The following TP53BP1 variants were observed in gnomAD, a reference collection of about 807,000 sequenced individuals.
TP53BP1 encodes the protein tumor protein p53 binding protein 1, also known as TP53-binding protein 1.
Under a neutral mutation model 200.8 loss-of-function variants are expected in TP53BP1, and 61 were observed. The observed-to-expected ratio is 0.30, with a 90% CI of 0.25 to 0.38. TP53BP1 has a LOEUF of 0.38. Among genes scored for constraint, TP53BP1 ranks in the 10% least tolerant of loss-of-function variants. The pLI, the probability that TP53BP1 is intolerant of heterozygous loss-of-function variation, is 1.00. For synonymous variants in TP53BP1, 822 were observed against 844.3 expected, an observed-to-expected ratio of 0.97 and a Z score of 0.46; for missense variants, 2,144 against 2,371.9, an observed-to-expected ratio of 0.90 and a Z score of 2.00.
chr15:43,487,604 T>C (rs957198781), intron 4 of TP53BP1, among the ~76,000 whole-genome samples: 2 of 151,870 alleles, frequency 1.3e-5, no homozygotes, highest in African/African-American at 4.8e-5. Flanking sequence ...ACCAGTCTGA[T>C]CAACATGGTG....
intron 19 of TP53BP1, 140 bp downstream of exon 19, chr15:43,421,715 G>A: frequency 8.1e-7 from 1 of 1,230,838 alleles, no homozygotes; most frequent in East Asian, 2.4e-5. Context: ...CAGGAAGAGA[G>A]CAAATAGTGA....
intron 1 of TP53BP1, among the ~76,000 whole-genome samples, chr15:43,509,254 GT>G (rs2079257486): frequency 6.7e-6 from 1 of 148,968 alleles, no homozygotes; most frequent in Non-Finnish European, 1.5e-5. Flanking sequence ...AGACTAGAGG[GT>G]GAGGCATCCC....
At chr15:43,447,158 C>T in intron 13 of TP53BP1, 2 of 563,884 alleles carry the variant, frequency 3.5e-6, no homozygotes, top group Non-Finnish European at 6.2e-6. Context: ...TTCTTTCTTA[C>T]TTCCCTCCAC....
chr15:43,497,587 A>C (rs1420498979), upstream of TP53BP1: 1 of 260,192 alleles, frequency 3.8e-6, no homozygotes, highest in East Asian at 1.8e-4. Flanking sequence ...ACACAGATGA[A>C]CCTTGAAAAC....
chr15:43,462,130 G>C (rs565522052), intron 11 of TP53BP1, among the ~76,000 whole-genome samples: 1 of 139,226 alleles, frequency 7.2e-6, no homozygotes, highest in Non-Finnish European at 1.5e-5. Context: ...TCAGGAGTTC[G>C]AGACCAGCCT....
rs117669023 is a variant in TP53BP1 at position 43,419,711 on chromosome 15, A to G, written c.4681+594T>C. Among the ~76,000 whole-genome samples the G allele has an allele frequency of 5.8e-3, 884 of 152,018 alleles. 5 individuals carry two copies. The highest frequency in any genetic ancestry group is 0.016 in the South Asian group (79 of 4,804). On this transcript the variant is annotated intron_variant, in intron 21 of 27. Coordinates refer to ENST00000382044, the MANE Select transcript of TP53BP1 (RefSeq NM_001141980.3). ...TGTGGCATTATTTTTAAAATATCCC[A>G]TAACTCCAGTCTAATGAGAAAATAT... is the stretch of plus-strand genomic sequence containing the variant.
At chr15:43,446,117 T>C (rs909807738) in intron 14 of TP53BP1, among the ~76,000 whole-genome samples, 2 of 152,126 alleles carry the variant, frequency 1.3e-5, no homozygotes, top group Admixed American at 6.6e-5. Context: ...GTCCTAAAGT[T>C]TTCTACCCTA....
chr15:43,421,371 C>T (rs1277188647), intron 19 of TP53BP1, among the ~76,000 whole-genome samples, 197 bp from the exon 20 acceptor site: 1 of 152,200 alleles, frequency 6.6e-6, no homozygotes, highest in Non-Finnish European at 1.5e-5. Context: ...AAAGGACATT[C>T]TCCTTCATGT....
At chr15:43,482,928 T>G (rs1376529497) in intron 4 of TP53BP1, among the ~76,000 whole-genome samples, 1 of 151,948 alleles carries the variant, frequency 6.6e-6, no homozygotes, top group African/African-American at 2.4e-5. Flanking sequence ...AGAGTCTGTC[T>G]CCAAAAAAAG....
At chr15:43,486,058 A>C (rs2079042637) in intron 4 of TP53BP1, among the ~76,000 whole-genome samples, 1 of 152,032 alleles carries the variant, frequency 6.6e-6, no homozygotes, top group South Asian at 2.1e-4. Context: ...ACCATCAAAA[A>C]TTGAGAGGGT....
At chr15:43,466,148 T>G (rs2046575105) in intron 11 of TP53BP1, among the ~76,000 whole-genome samples, 1 of 152,274 alleles carries the variant, frequency 6.6e-6, no homozygotes, top group South Asian at 2.1e-4. Flanking sequence ...CAAGAAGATA[T>G]GAAACCCAAG....
chr15:43,460,724 G>A (rs2046409563), intron 11 of TP53BP1, among the ~76,000 whole-genome samples: 2 of 152,130 alleles, frequency 1.3e-5, no homozygotes, highest in African/African-American at 2.4e-5. Flanking sequence ...AGACATGACT[G>A]AGTATAAACT....
At chr15:43,420,834 C>G in intron 20 of TP53BP1, 99 bp from the exon 21 acceptor site, 2 of 1,318,742 alleles carry the variant, frequency 1.5e-6, no homozygotes, top group Non-Finnish European at 2.1e-6. Flanking sequence ...GTCTCCTCAG[C>G]CCATTCTTTA....
chr15:43,438,166 T>C (rs557400463), intron 16 of TP53BP1, among the ~76,000 whole-genome samples, 158 bp downstream of exon 16: 7 of 152,358 alleles, frequency 4.6e-5, no homozygotes, highest in African/African-American at 1.4e-4. Flanking sequence ...TGTAGCTTTA[T>C]ACCAATACCA....
At chr15:43,486,935 T>C (rs577772060) in intron 4 of TP53BP1, among the ~76,000 whole-genome samples, 2 of 152,314 alleles carry the variant, frequency 1.3e-5, no homozygotes, top group East Asian at 3.9e-4. Context: ...CTATAAGCCC[T>C]TTTTAAAGTA....
chr15:43,430,421 A>T (rs2045642600), intron 17 of TP53BP1, among the ~76,000 whole-genome samples: 1 of 151,230 alleles, frequency 6.6e-6, no homozygotes, highest in South Asian at 2.1e-4. Flanking sequence ...ACTATGGTAA[A>T]ATCTGCATAA....
At chr15:43,490,227 T>C (rs1340091178) in intron 4 of TP53BP1, among the ~76,000 whole-genome samples, 4 of 152,242 alleles carry the variant, frequency 2.6e-5, no homozygotes, top group Admixed American at 6.5e-5. Flanking sequence ...GTGGCTGGTA[T>C]TACAGGTACC....
At chr15:43,408,138 A>C in intron 26 of TP53BP1, 50 bp from the exon 27 acceptor site, 1 of 1,581,224 alleles carries the variant, frequency 6.3e-7, no homozygotes, top group South Asian at 1.1e-5. Context: ...ATATCCAACA[A>C]ACTGCCTTTC....
chr15:43,421,733 T>C, intron 19 of TP53BP1, 122 bp downstream of exon 19: 1 of 1,314,480 alleles, frequency 7.6e-7, no homozygotes, highest in Non-Finnish European at 1.0e-6. Context: ...TGAAGAGGGG[T>C]AGTTGATTTA....
Sources: gnomAD v4.1 joint callset for allele counts (sites outside exome capture counted in the v4.1 genomes callset) on GRCh38, gnomAD v4.1.1 for gene constraint, MANE v1.5 for transcripts, NCBI Gene and HGNC (gene_info 2026-07-23, HGNC 2026-07-21) for gene names.